The following CCDC198 variants were observed in gnomAD, a reference collection of about 807,000 sequenced individuals.
CCDC198 encodes coiled-coil domain containing 198.
A neutral mutation model predicts 35.6 loss-of-function variants in CCDC198; 18 were observed. That is an observed-to-expected ratio of 0.51 (90% CI 0.35 to 0.75). CCDC198 has a LOEUF of 0.75. Among genes scored for constraint, CCDC198 ranks in the 30% least tolerant of loss-of-function variants. CCDC198 has a pLI of 0.01. For missense variants in CCDC198, 365 were observed against 343.7 expected, an observed-to-expected ratio of 1.06 and a Z score of -0.49; for synonymous variants, 119 against 113.4, an observed-to-expected ratio of 1.05 and a Z score of -0.31.
intron 2 of CCDC198, among the ~76,000 whole-genome samples, chr14:57,487,513 G>T (rs906003434): frequency 1.3e-5 from 2 of 152,130 alleles, no homozygotes; most frequent in African/African-American, 4.8e-5. Flanking sequence ...GACCTGAAAT[G>T]GTTGGATAAG....
Position 57,472,255 on chromosome 14 carries a change from C to G in CCDC198, c.656-665G>C, listed in dbSNP as rs184056661. ...GAATACTCTTCTACCCTTTTCTTCT[C>G]TTTCTTTCTCCCACAATCTCTACAC... On this transcript the variant is annotated intron_variant, in intron 5 of 5. Coordinates refer to ENST00000216445, the MANE Select transcript of CCDC198 (RefSeq NM_018168.4). Among the ~76,000 whole-genome samples the G allele has an allele frequency of 2.6e-4, 39 of 152,142 alleles. No individual in the cohort carries two copies. In the East Asian group the frequency reaches 7.5e-3, roughly 29 times the overall value.
In CCDC198 at chr14:57,480,710, A is replaced by G. The variant is rs781365829; in HGVS notation, c.540T>C (p.Ile180=). Residue 180 remains isoleucine, a synonymous_variant, in exon 5 of 6, where the codon ATT becomes ATC. Coordinates refer to ENST00000216445, the MANE Select transcript of CCDC198 (RefSeq NM_018168.4). The part of the protein sequence containing the change: ...LKKSLHGEAR[I]NKQSPRDHKA... ...TATGGTCCCTTGGACTTTGCTTATT[A>G]ATTCTTGCCTCTCCATGAAGACTTT... 1 of 1,614,042 alleles carries G rather than the reference A, an allele frequency of 6.2e-7. No homozygotes were observed. The highest frequency in any genetic ancestry group is 1.7e-5 in the Admixed American group (1 of 60,000).
At chr14:57,483,000 A>C (rs2067238132) in intron 3 of CCDC198, 65 bp downstream of exon 3, 1 of 1,609,736 alleles carries the variant, frequency 6.2e-7, no homozygotes, top group African/African-American at 1.3e-5. Context: ...AGTGTGCTCC[A>C]GTGCCCCAAT....
At chr14:57,483,992 TG>T (rs2067273381) in intron 2 of CCDC198, among the ~76,000 whole-genome samples, 2 of 152,216 alleles carry the variant, frequency 1.3e-5, no homozygotes, top group South Asian at 4.1e-4. Flanking sequence ...TACATTTGCT[TG>T]TGTGATTATT....
intron 5 of CCDC198, chr14:57,475,229 C>T: frequency 5.6e-6 from 3 of 537,796 alleles, no homozygotes; most frequent in South Asian, 8.1e-5. Context: ...CCACTGCACT[C>T]CAGCCTGGGC....
intron 2 of CCDC198, among the ~76,000 whole-genome samples, chr14:57,487,767 C>A (rs1417693675): frequency 6.6e-6 from 1 of 152,156 alleles, no homozygotes; most frequent in African/African-American, 2.4e-5. Context: ...TTAGAATTTT[C>A]TTTGGCAGAA....
In CCDC198 at chr14:57,480,721, C is replaced by G. The variant is rs1419912110; in HGVS notation, c.529G>C (p.Glu177Gln). ...QMELKKSLHG[E>Q]ARINKQSPRD... ...GGACTTTGCTTATTAATTCTTGCCTCTCCATGAAGACTTTTCTTTAACTCC... is the reference window on the plus strand; with the variant it reads ...GGACTTTGCTTATTAATTCTTGCCTGTCCATGAAGACTTTTCTTTAACTCC... The change falls in exon 5 of 6, where the codon GAG (glutamate) becomes CAG (glutamine). Residue 177 changes from glutamate to glutamine, a missense_variant. By Grantham distance (29) the Glu-to-Gln change is conservative. Coordinates refer to ENST00000216445, the MANE Select transcript of CCDC198 (RefSeq NM_018168.4). The G allele has an allele frequency of 1.2e-6, 2 of 1,613,946 alleles. No individual in the cohort carries two copies. Among genetic ancestry groups the G allele is most frequent in the African/African-American group, 2.7e-5 (2 of 74,920 alleles).
intron 2 of CCDC198, among the ~76,000 whole-genome samples, chr14:57,489,228 A>G (rs2067476533): frequency 1.3e-5 from 2 of 152,194 alleles, no homozygotes; most frequent in Admixed American, 1.3e-4. Context: ...TTGCAGGGAC[A>G]TGGATGGAGT....
At chr14:57,476,149 T>G (rs2066989953) in intron 5 of CCDC198, among the ~76,000 whole-genome samples, 1 of 152,178 alleles carries the variant, frequency 6.6e-6, no homozygotes, top group African/African-American at 2.4e-5. Context: ...TACATGTTAA[T>G]TTTTACATAA....
intron 3 of CCDC198, among the ~76,000 whole-genome samples, chr14:57,482,117 T>C (rs1403724206): frequency 1.3e-5 from 2 of 152,160 alleles, no homozygotes; most frequent in African/African-American, 2.4e-5. Flanking sequence ...ATAGAGTGCA[T>C]TTCCATATGC....
At chr14:57,490,159 T>C (rs2067512994) in intron 2 of CCDC198, among the ~76,000 whole-genome samples, 1 of 152,046 alleles carries the variant, frequency 6.6e-6, no homozygotes, top group South Asian at 2.1e-4. Flanking sequence ...TCTGGGTGAA[T>C]TGTGTAGCAG....
At chr14:57,487,722 T>C (rs1465755123) in intron 2 of CCDC198, among the ~76,000 whole-genome samples, 1 of 152,228 alleles carries the variant, frequency 6.6e-6, no homozygotes, top group Non-Finnish European at 1.5e-5. Flanking sequence ...TAATTTAGCA[T>C]ACAATTAGAT....
chr14:57,490,224 A>G (rs2067515926), intron 2 of CCDC198, among the ~76,000 whole-genome samples: 1 of 152,012 alleles, frequency 6.6e-6, no homozygotes, highest in Non-Finnish European at 1.5e-5. Context: ...AGAGCCCCAA[A>G]CCCTCCTTCC....
In CCDC198 at chr14:57,471,315, C is replaced by G; in HGVS notation, c.*40G>C. On this transcript the variant is annotated 3_prime_UTR_variant, in exon 6 of 6. Transcript: ENST00000216445. ...TGGAAGATTTTGAGAGTAAAACAAG[C>G]TTTCAAAGCACTCAGTTTCTAGGTT... The G allele has an allele frequency of 6.8e-7, 1 of 1,473,224 alleles. No individual in the cohort carries two copies. Among genetic ancestry groups the G allele is most frequent in the Non-Finnish European group, 9.4e-7 (1 of 1,065,582 alleles). 91.3% of individuals were successfully genotyped at this position (1,473,224 alleles called of 1,614,324 possible). A position where few individuals can be genotyped will look rare whatever the true frequency, so the allele number is the denominator to read the frequency against.
intron 5 of CCDC198, among the ~76,000 whole-genome samples, chr14:57,472,059 A>T (rs924863252): frequency 6.6e-6 from 1 of 152,146 alleles, no homozygotes; most frequent in Non-Finnish European, 1.5e-5. Flanking sequence ...TAACATTGAT[A>T]TAATACTGTT....
At chr14:57,483,206 AC>A in intron 2 of CCDC198, 55 bp from the exon 3 acceptor site, 1 of 1,613,134 alleles carries the variant, frequency 6.2e-7, no homozygotes, top group South Asian at 1.1e-5. Flanking sequence ...AGATGATGAA[AC>A]AGAAAAGCCA....
Position 57,480,509 on chromosome 14 carries a change from CTCA to C in CCDC198, c.655+83_655+85del, listed in dbSNP as rs2067144732. On this transcript the variant is annotated intron_variant, in intron 5 of 5. Coordinates refer to ENST00000216445, the MANE Select transcript of CCDC198 (RefSeq NM_018168.4). ...AGAGCTCAAAGCTGTTTGCTGTCTT[CTCA>C]TCATGTCCCTCCCTTGGTAGTTTAT... 5.4e-6 allele frequency: 8 copies of C among 1,469,736 alleles called. No individual in the cohort carries two copies. In the East Asian group the frequency reaches 1.8e-4, roughly 33 times the overall value. 91.0% of individuals were successfully genotyped at this position (1,469,736 alleles called of 1,614,324 possible). A position where few individuals can be genotyped will look rare whatever the true frequency, so the allele number is the denominator to read the frequency against.
rs958239043 is a variant in CCDC198, at chr14:57,478,923, G to C, written c.655+1672C>G. 9 of 1,263,090 alleles carry C rather than the reference G, an allele frequency of 7.1e-6. 1 individual carries two copies. Among genetic ancestry groups the C allele is most frequent in the South Asian group, 6.5e-5 (5 of 76,692 alleles). 78.2% of individuals were successfully genotyped at this position (1,263,090 alleles called of 1,614,324 possible). ...CAGAGACATAGCCAGCTTTTCTGCA[G>C]CTCTCTCAGCGGTGGGTCAGTCCTG... is the stretch of plus-strand genomic sequence containing the variant. On this transcript the variant is annotated intron_variant, in intron 5 of 5. Transcript: ENST00000216445.
intron 5 of CCDC198, chr14:57,479,027 T>C (rs2067097108): frequency 1.6e-6 from 2 of 1,289,252 alleles, no homozygotes; most frequent in Non-Finnish European, 2.0e-6. Context: ...GGGTTTGCCC[T>C]GGGGAAATAC....
Sources: gnomAD v4.1 joint callset for allele counts (sites outside exome capture counted in the v4.1 genomes callset) on GRCh38, gnomAD v4.1.1 for gene constraint, MANE v1.5 for transcripts, NCBI Gene and HGNC (gene_info 2026-07-23, HGNC 2026-07-21) for gene names.